RAPGEF6: variants seen among roughly 807,000 people sequenced by gnomAD.
The protein encoded by RAPGEF6 is PDZ domain containing guanine nucleotide exchange factor (GEF) 2.
In RAPGEF6, 56 loss-of-function variants were observed where a neutral mutation model predicts 171.4. The observed-to-expected ratio is 0.33, with a 90% CI of 0.26 to 0.41. The LOEUF is 0.41. Among genes scored for constraint, RAPGEF6 ranks in the 10% least tolerant of loss-of-function variants. The pLI is 1.00. For missense variants in RAPGEF6, 1,674 were observed against 1,921.4 expected, an observed-to-expected ratio of 0.87 and a Z score of 2.41; for synonymous variants, 692 against 650.1, an observed-to-expected ratio of 1.06 and a Z score of -0.98.
intron 17 of RAPGEF6, chr5:131,469,899 T>C (rs1754627302): frequency 1.9e-6 from 2 of 1,038,804 alleles, no homozygotes; most frequent in Non-Finnish European, 2.8e-6. Flanking sequence ...CCACTTTCAT[T>C]TTGATCTAGT....
At chr5:131,508,235 A>AT in intron 8 of RAPGEF6, 28 bp from the exon 9 acceptor site, 4 of 1,593,782 alleles carry the variant, frequency 2.5e-6, no homozygotes, top group Middle Eastern at 1.7e-4. Flanking sequence ...TTCTGGTATA[A>AT]AGACCATCGA....
chr5:131,508,165 T>C lies in RAPGEF6; in HGVS notation c.848A>G (p.Asn283Ser). The C allele has an allele frequency of 6.2e-7, 1 of 1,613,298 alleles. No homozygotes were observed. The highest frequency in any genetic ancestry group is 2.2e-5 in the East Asian group (1 of 44,796). Residue 283 changes from asparagine (N) to serine (S), a missense_variant, in exon 9 of 28, where the codon AAC becomes AGC. Physicochemically the swap from Asn to Ser is conservative, Grantham distance 46. Transcript: ENST00000509018. ...TTCTCTCCTTACAGACATGGTCATGTTTGCAAATGCAGGGAGCTGGTGCAT... is the reference window on the plus strand; with the variant it reads ...TTCTCTCCTTACAGACATGGTCATGCTTGCAAATGCAGGGAGCTGGTGCAT... ...EFMHQLPAFA[N>S]MTMSVRRELC...
chr5:131,571,344 A>G (rs1762270148), intron 4 of RAPGEF6, among the ~76,000 whole-genome samples: 2 of 152,368 alleles, frequency 1.3e-5, no homozygotes, highest in African/African-American at 4.8e-5. Flanking sequence ...AAAAAGAAAT[A>G]AAAGGCATTC....
At chr5:131,476,803 A>AT (rs893354817) in intron 16 of RAPGEF6, among the ~76,000 whole-genome samples, 1 of 152,200 alleles carries the variant, frequency 6.6e-6, no homozygotes, top group Non-Finnish European at 1.5e-5. Flanking sequence ...AAGTGCTGGG[A>AT]TAACAGGCGT....
At chr5:131,447,451 C>G (rs1752791838) in intron 21 of RAPGEF6, 1 of 152,032 alleles carries the variant, frequency 6.6e-6, no homozygotes, top group Non-Finnish European at 1.5e-5. Context: ...AACCACAATT[C>G]AAACAAACTA....
chr5:131,603,959 A>G (rs756646619), intron 2 of RAPGEF6, among the ~76,000 whole-genome samples: 4 of 152,140 alleles, frequency 2.6e-5, no homozygotes, highest in Non-Finnish European at 4.4e-5. Flanking sequence ...TTAAAATATT[A>G]TATAGTTAAG....
At chr5:131,602,617 C>T (rs536483074) in intron 3 of RAPGEF6, among the ~76,000 whole-genome samples, 2 of 152,170 alleles carry the variant, frequency 1.3e-5, no homozygotes, top group South Asian at 4.2e-4. Context: ...AAAAAGTAGC[C>T]AGGCATGGCG....
intron 4 of RAPGEF6, among the ~76,000 whole-genome samples, chr5:131,590,031 C>A (rs969691485): frequency 5.9e-5 from 9 of 152,182 alleles, no homozygotes; most frequent in Admixed American, 2.6e-4. Flanking sequence ...TGGGAACTCG[C>A]CCTCAGCTGT....
intron 1 of RAPGEF6, among the ~76,000 whole-genome samples, chr5:131,611,364 G>C (rs1328997332): frequency 6.6e-6 from 1 of 152,222 alleles, no homozygotes; most frequent in African/African-American, 2.4e-5. Context: ...TAGTTTTCTA[G>C]TATTTTTAAA....
chr5:131,522,281 C>T (rs1274359865), intron 6 of RAPGEF6, among the ~76,000 whole-genome samples: 1 of 152,142 alleles, frequency 6.6e-6, no homozygotes, highest in Non-Finnish European at 1.5e-5. Flanking sequence ...TCACAAAATA[C>T]AAGCTACAGA....
intron 4 of RAPGEF6, among the ~76,000 whole-genome samples, chr5:131,565,790 G>C (rs944037950): frequency 2.6e-5 from 4 of 152,240 alleles, no homozygotes; most frequent in African/African-American, 9.6e-5. Context: ...TATCAATACA[G>C]AAGAAACAAA....
chr5:131,515,247 A>G (rs1173176893), intron 7 of RAPGEF6, among the ~76,000 whole-genome samples: 1 of 152,142 alleles, frequency 6.6e-6, no homozygotes, highest in Non-Finnish European at 1.5e-5. Context: ...TTAGTATTTC[A>G]TTTAACCTTT....
chr5:131,461,656 T>C, intron 19 of RAPGEF6, 49 bp downstream of exon 19: 2 of 1,500,618 alleles, frequency 1.3e-6, no homozygotes, highest in South Asian at 1.3e-5. Context: ...ATCAGCTGCA[T>C]GTAATGACAA....
chr5:131,614,298 A>G lies in RAPGEF6; in HGVS notation c.70-9605T>C, dbSNP rs981554970. On this transcript the variant is annotated intron_variant, in intron 1 of 27. Coordinates refer to ENST00000509018, the MANE Select transcript of RAPGEF6 (RefSeq NM_016340.6). ...CTCTGTCTCAAAAAAAAAAAAAAAAAAAAAGAAAGAAAGAAAAAGAAAAAG... is the reference window on the plus strand; with the variant it reads ...CTCTGTCTCAAAAAAAAAAAAAAAAGAAAAGAAAGAAAGAAAAAGAAAAAG... Among the ~76,000 whole-genome samples, 6 of 150,640 alleles carry G rather than the reference A, an allele frequency of 4.0e-5. No homozygotes were observed. The South Asian group carries it at 1.3e-3, about 32-fold the overall frequency.
chr5:131,494,658 T>C (rs2149876597), intron 13 of RAPGEF6, among the ~76,000 whole-genome samples: 1 of 152,310 alleles, frequency 6.6e-6, no homozygotes. Context: ...AAGTATAGAT[T>C]ACTGACAAAG....
intron 25 of RAPGEF6, among the ~76,000 whole-genome samples, chr5:131,431,923 T>C (rs1437631393): frequency 6.6e-6 from 1 of 152,178 alleles, no homozygotes; most frequent in Admixed American, 6.5e-5. Context: ...AGTTCCCAAC[T>C]TGAAGAATCA....
At chr5:131,617,706 C>CT (rs2150030586) in intron 1 of RAPGEF6, among the ~76,000 whole-genome samples, 1 of 152,260 alleles carries the variant, frequency 6.6e-6, no homozygotes, top group African/African-American at 2.4e-5. Flanking sequence ...CAAGGCTGGA[C>CT]AACATAGTGA....
intron 3 of RAPGEF6, 87 bp from the exon 4 acceptor site, chr5:131,592,553 T>G: frequency 1.3e-6 from 2 of 1,497,530 alleles, no homozygotes; most frequent in Non-Finnish European, 8.9e-7. Flanking sequence ...ATTCTGATAA[T>G]AGTACAAATA....
chr5:131,477,653 T>C (rs1472837108), intron 16 of RAPGEF6, among the ~76,000 whole-genome samples: 1 of 152,196 alleles, frequency 6.6e-6, no homozygotes, highest in East Asian at 1.9e-4. Context: ...TTTAGCTGCC[T>C]AAAACTTGAG....
Sources: allele counts gnomAD v4.1 joint callset (sites outside exome capture counted in the v4.1 genomes callset), GRCh38; gene constraint gnomAD v4.1.1; transcripts MANE v1.5; gene names NCBI Gene and HGNC (gene_info 2026-07-23, HGNC 2026-07-21).